SERPINI1: variants seen among roughly 807,000 people sequenced by gnomAD.
The protein encoded by SERPINI1 is serpin family I member 1, also known as neuroserpin.
SERPINI1 carries 19 observed loss-of-function variants against 41.1 expected under a neutral mutation model. That is an observed-to-expected ratio of 0.46 (90% confidence interval 0.32 to 0.68). SERPINI1 has a LOEUF of 0.68. Ranked by LOEUF, SERPINI1 falls within the 30% of genes least tolerant of loss-of-function variation. SERPINI1 has a pLI of 0.03. For missense variants in SERPINI1, 460 were observed against 479.2 expected (o/e 0.96, Z 0.37); for synonymous variants, 138 against 156.6 (o/e 0.88, Z 0.89).
chr3:167,794,871 A>G (rs1355007604), intron 5 of SERPINI1, 47 bp downstream of exon 5: 2 of 1,474,222 alleles, frequency 1.4e-6, no homozygotes, highest in East Asian at 2.3e-5. Flanking sequence ...ACGATGGGCT[A>G]TCAATGAAAA....
intron 5 of SERPINI1, among the ~76,000 whole-genome samples, chr3:167,805,801 C>CT (rs1264274977): frequency 6.6e-6 from 1 of 152,040 alleles, no homozygotes; most frequent in East Asian, 1.9e-4. Flanking sequence ...ATAGGGAATC[C>CT]TTTCCCCATT....
At chr3:167,737,068 C>A (rs568444117) in intron 1 of SERPINI1, among the ~76,000 whole-genome samples, 1 of 151,724 alleles carries the variant, frequency 6.6e-6, no homozygotes, top group South Asian at 2.1e-4. Flanking sequence ...TCTCCTATTT[C>A]TATGCTTTCC....
chr3:167,766,434 G>GAC (rs1294334489), intron 1 of SERPINI1, among the ~76,000 whole-genome samples: 1 of 152,110 alleles, frequency 6.6e-6, no homozygotes, highest in Admixed American at 6.5e-5. Context: ...GCCTAAGAAA[G>GAC]ACACACACCC....
At chr3:167,777,730 A>G (rs1038053471) in intron 1 of SERPINI1, among the ~76,000 whole-genome samples, 2 of 152,226 alleles carry the variant, frequency 1.3e-5, no homozygotes, top group Non-Finnish European at 2.9e-5. Flanking sequence ...GGCACTACAT[A>G]TTCTCTTAGT....
chr3:167,777,963 CCT>C (rs1323749825), intron 1 of SERPINI1, among the ~76,000 whole-genome samples: 1 of 152,114 alleles, frequency 6.6e-6, no homozygotes, highest in Admixed American at 6.6e-5. Flanking sequence ...TCCATACTGC[CCT>C]CTCTCATCTT....
chr3:167,793,254 A>T (rs1375695142), intron 4 of SERPINI1, among the ~76,000 whole-genome samples: 1 of 152,152 alleles, frequency 6.6e-6, no homozygotes, highest in East Asian at 1.9e-4. Flanking sequence ...ATTTATTGAG[A>T]GCCTATAATT....
chr3:167,792,104 G>A (rs1727539064), intron 3 of SERPINI1, among the ~76,000 whole-genome samples: 1 of 152,072 alleles, frequency 6.6e-6, no homozygotes, highest in African/African-American at 2.4e-5. Flanking sequence ...CAGCCTAGGT[G>A]ACACAGAGAG....
intron 1 of SERPINI1, among the ~76,000 whole-genome samples, chr3:167,740,751 C>A (rs1333286497): frequency 6.6e-6 from 1 of 152,190 alleles, no homozygotes; most frequent in Non-Finnish European, 1.5e-5. Flanking sequence ...TGGGCGCATG[C>A]TTCAGACATG....
intron 1 of SERPINI1, among the ~76,000 whole-genome samples, chr3:167,757,067 T>TA (rs1369607965): frequency 1.4e-4 from 21 of 152,330 alleles, no homozygotes; most frequent in African/African-American, 4.8e-4. Context: ...AGGATATTTT[T>TA]AGGGAAAGGC....
chr3:167,772,978 G>GTATATATATGTA (rs1553772964), intron 1 of SERPINI1, among the ~76,000 whole-genome samples: 3 of 135,720 alleles, frequency 2.2e-5, no homozygotes, highest in Admixed American at 7.5e-5. Context: ...GTATATATAT[G>GTATATATATGTA]TATATATATA....
intron 5 of SERPINI1, among the ~76,000 whole-genome samples, chr3:167,800,884 A>G (rs556304444): frequency 6.6e-6 from 1 of 152,252 alleles, no homozygotes; most frequent in South Asian, 2.1e-4. Flanking sequence ...TTGGCTCTGC[A>G]AGAGCACTGC....
chr3:167,783,274 G>A (rs1727201340), intron 1 of SERPINI1, among the ~76,000 whole-genome samples: 1 of 152,110 alleles, frequency 6.6e-6, no homozygotes, highest in Admixed American at 6.5e-5. Flanking sequence ...TGGAATGAGT[G>A]TTTGACAATG....
intron 1 of SERPINI1, chr3:167,736,122 G>A (rs371488531): frequency 2.0e-5 from 3 of 152,176 alleles, no homozygotes; most frequent in African/African-American, 4.8e-5. Flanking sequence ...GATGTTATCT[G>A]GTGGATGTTA....
At chr3:167,793,075 ATTGGGTT>A (rs1727583508) in intron 4 of SERPINI1, among the ~76,000 whole-genome samples, 1 of 152,184 alleles carries the variant, frequency 6.6e-6, no homozygotes, top group Non-Finnish European at 1.5e-5. Flanking sequence ...CCAAAAACTC[ATTGGGTT>A]TAGGATGGGT....
chr3:167,810,967 C>T (rs1711855920), intron 6 of SERPINI1, among the ~76,000 whole-genome samples: 1 of 152,100 alleles, frequency 6.6e-6, no homozygotes, highest in Non-Finnish European at 1.5e-5. Context: ...GAAGCAACTC[C>T]TCATCCATTT....
In SERPINI1 at chr3:167,811,680, TAATTAA is replaced by T. The variant is rs534784572; in HGVS notation, c.979+4344_979+4349del. 6.0e-3 allele frequency among the ~76,000 whole-genome samples: 711 copies of T among 118,284 alleles called. 4 individuals carry two copies. Among genetic ancestry groups the T allele is most frequent in the African/African-American group, 0.017 (671 of 38,752 alleles). The allele number at this position is 118,284 out of a possible 152,430, so 77.6% of individuals were successfully genotyped here. A position where few individuals can be genotyped will look rare whatever the true frequency, so the allele number is the denominator to read the frequency against. On this transcript the variant is annotated intron_variant, in intron 6 of 8. Transcript: ENST00000446050. ...TTACCTTGTATATGTATTGCTTTTT[TAATTAA>T]AATTGTTACTTAAAAATTAGAAAAA...
intron 5 of SERPINI1, among the ~76,000 whole-genome samples, chr3:167,798,535 A>G (rs934536064): frequency 5.3e-5 from 8 of 152,192 alleles, no homozygotes; most frequent in African/African-American, 1.7e-4. Context: ...TTTTTAGCAA[A>G]GGTAAAAATG....
intron 6 of SERPINI1, among the ~76,000 whole-genome samples, chr3:167,809,390 A>C (rs539329988): frequency 6.6e-6 from 1 of 152,308 alleles, no homozygotes; most frequent in South Asian, 2.1e-4. Flanking sequence ...CCAAACATCT[A>C]GGAAGTTATT....
intron 2 of SERPINI1, 123 bp from the exon 3 acceptor site, chr3:167,790,249 G>A (rs1345311086): frequency 2.8e-6 from 2 of 718,230 alleles, no homozygotes; most frequent in African/African-American, 1.8e-5. Context: ...GGGAAAGCCT[G>A]GCACTTTTCC....
Sources: gnomAD v4.1 joint callset for allele counts (sites outside exome capture counted in the v4.1 genomes callset) on GRCh38, gnomAD v4.1.1 for gene constraint, MANE v1.5 for transcripts, NCBI Gene and HGNC (gene_info 2026-07-23, HGNC 2026-07-21) for gene names.